The following TNFSF8 variants were observed in gnomAD, a reference collection of about 807,000 sequenced individuals.
TNFSF8 encodes TNF superfamily member 8, also known as tumor necrosis factor ligand superfamily member 8.
A neutral mutation model predicts 22.0 loss-of-function variants in TNFSF8; 4 were observed. The observed-to-expected ratio is 0.18, with a 90% CI of 0.09 to 0.42. The LOEUF is 0.42. Among genes scored for constraint, TNFSF8 ranks in the 10% least tolerant of loss-of-function variants. The probability of loss-of-function intolerance (pLI) is 1.00; values close to 1 mark genes in which losing one functional copy is unlikely to be tolerated. For missense variants in TNFSF8, 233 were observed against 281.8 expected, an observed-to-expected ratio of 0.83 and a Z score of 1.24; for synonymous variants, 106 against 112.5, an observed-to-expected ratio of 0.94 and a Z score of 0.37.
intron 1 of TNFSF8, among the ~76,000 whole-genome samples, chr9:114,922,728 G>T (rs1485398656): frequency 6.6e-6 from 1 of 152,136 alleles, no homozygotes; most frequent in African/African-American, 2.4e-5. Context: ...AATCCTCAGG[G>T]GAAGACTATT....
At chr9:114,918,917 C>T (rs1403281235) in intron 1 of TNFSF8, among the ~76,000 whole-genome samples, 1 of 152,200 alleles carries the variant, frequency 6.6e-6, no homozygotes, top group Admixed American at 6.5e-5. Context: ...GACTCAACTC[C>T]CAATCTGGTG....
chr9:114,914,328 CA>C (rs1303750744), intron 2 of TNFSF8, among the ~76,000 whole-genome samples: 1 of 152,238 alleles, frequency 6.6e-6, no homozygotes, highest in African/African-American at 2.4e-5. Context: ...AGCTTCTCTG[CA>C]TACCCCAAAT....
chr9:114,912,197 A>T (rs1425817093), intron 2 of TNFSF8, among the ~76,000 whole-genome samples: 1 of 152,128 alleles, frequency 6.6e-6, no homozygotes, highest in Non-Finnish European at 1.5e-5. Context: ...ACTGTCATGG[A>T]GAGTTGTAGA....
intron 2 of TNFSF8, among the ~76,000 whole-genome samples, chr9:114,908,516 A>G (rs906277779): frequency 7.9e-5 from 12 of 152,254 alleles, no homozygotes; most frequent in Middle Eastern, 3.4e-3. Context: ...CCCTTATGGC[A>G]GGTGAGCCTC....
intron 1 of TNFSF8, among the ~76,000 whole-genome samples, chr9:114,921,096 G>A (rs1410364310): frequency 6.6e-6 from 1 of 152,220 alleles, no homozygotes; most frequent in South Asian, 2.1e-4. Context: ...GTCAAGGAAA[G>A]CCTCTTTTCT....
chr9:114,896,515 A>G (rs1324795598), downstream of TNFSF8, among the ~76,000 whole-genome samples: 2 of 152,230 alleles, frequency 1.3e-5, no homozygotes, highest in Admixed American at 6.5e-5. Flanking sequence ...CTCACCTCAA[A>G]GAAATAACTG....
chr9:114,930,311 A>G lies in TNFSF8; in HGVS notation c.-8T>C. The G allele has an allele frequency of 1.3e-6, 2 of 1,530,726 alleles. No homozygotes were observed. The highest frequency in any genetic ancestry group is 5.0e-5 in the East Asian group (2 of 39,890). 94.8% of individuals were successfully genotyped at this position (1,530,726 alleles called of 1,614,324 possible). On this transcript the variant is annotated 5_prime_UTR_variant, in exon 1 of 4. Coordinates refer to ENST00000223795, the MANE Select transcript of TNFSF8 (RefSeq NM_001244.4). ...CTGCAGCCCTGGGTCCATTCTTTATATAGTCTTCCCCACATCACACCTTAT... is the reference window on the plus strand; with the variant it reads ...CTGCAGCCCTGGGTCCATTCTTTATGTAGTCTTCCCCACATCACACCTTAT...
At chr9:114,924,168 G>T (rs780979364) in intron 1 of TNFSF8, among the ~76,000 whole-genome samples, 6 of 152,322 alleles carry the variant, frequency 3.9e-5, no homozygotes, top group Non-Finnish European at 1.5e-5. Flanking sequence ...TGTGCATACA[G>T]ATCACCTGAG....
chr9:114,930,345 A>G lies in TNFSF8; in HGVS notation c.-42T>C. 7.2e-7 allele frequency: 1 copy of G among 1,395,542 alleles called. No homozygotes were observed. The highest frequency in any genetic ancestry group is 9.5e-7 in the Non-Finnish European group (1 of 1,055,214). 86.4% of individuals were successfully genotyped at this position (1,395,542 alleles called of 1,614,324 possible). A position where few individuals can be genotyped will look rare whatever the true frequency, so the allele number is the denominator to read the frequency against. ...CCCACATCACACCTTATCTCTCTTC[A>G]TCTGATTCAGTTCTGGGCCCATCTC... On this transcript the variant is annotated 5_prime_UTR_variant, in exon 1 of 4. It removes an upstream start codon present in the reference 5' UTR. Coordinates refer to ENST00000223795, the MANE Select transcript of TNFSF8 (RefSeq NM_001244.4).
intron 1 of TNFSF8, among the ~76,000 whole-genome samples, chr9:114,919,418 C>T (rs1395651238): frequency 1.3e-5 from 2 of 152,128 alleles, no homozygotes; most frequent in Non-Finnish European, 2.9e-5. Flanking sequence ...AGTTCAAGGA[C>T]TCTCAACAAG....
In TNFSF8 at chr9:114,923,522, C is replaced by CTTTCTTT. The variant is rs758823996; in HGVS notation, c.196-5385_196-5384insAAAGAAA. Among the ~76,000 whole-genome samples the CTTTCTTT allele has an allele frequency of 5.0e-3, 446 of 89,708 alleles. 7 individuals are homozygous for CTTTCTTT. The highest frequency in any genetic ancestry group is 5.7e-3 in the Middle Eastern group (1 of 174). The allele number at this position is 89,708 out of a possible 152,430, so 58.9% of individuals were successfully genotyped here. On this transcript the variant is annotated intron_variant, in intron 1 of 3. Transcript: ENST00000223795. ...TCTTTCTTTCTTTCTTTCTTTCTTT[C>CTTTCTTT]TTTTTTTTTTTTTGAGATGAAATCT...
intron 1 of TNFSF8, among the ~76,000 whole-genome samples, chr9:114,921,450 G>T (rs528734893): frequency 6.6e-6 from 1 of 152,322 alleles, no homozygotes; most frequent in African/African-American, 2.4e-5. Context: ...ACTGCCCTAG[G>T]AGAGATGCTG....
chr9:114,923,476 CTT>C (rs371425089), intron 1 of TNFSF8, among the ~76,000 whole-genome samples: 1 of 119,980 alleles, frequency 8.3e-6, no homozygotes, highest in African/African-American at 3.1e-5. Flanking sequence ...ACTTTTCTTT[CTT>C]TTTCTTTCTT....
intron 1 of TNFSF8, among the ~76,000 whole-genome samples, chr9:114,926,245 C>A (rs1267060493): frequency 2.0e-5 from 3 of 151,918 alleles, no homozygotes; most frequent in Non-Finnish European, 4.4e-5. Context: ...CTGGCTAACA[C>A]GGTGAAACCC....
intron 2 of TNFSF8, among the ~76,000 whole-genome samples, chr9:114,912,808 T>C (rs1226619507): frequency 1.3e-5 from 2 of 152,224 alleles, no homozygotes; most frequent in Admixed American, 6.5e-5. Flanking sequence ...ATTGTTTCTT[T>C]GGGGTGGGTT....
chr9:114,918,185 T>G, intron 1 of TNFSF8, 47 bp from the exon 2 acceptor site: 1 of 1,558,150 alleles, frequency 6.4e-7, no homozygotes, highest in East Asian at 2.3e-5. Context: ...GACATTCAGT[T>G]GAAACAACTT....
chr9:114,901,017 G>A, downstream of TNFSF8: 2 of 974,678 alleles, frequency 2.1e-6, no homozygotes, highest in Non-Finnish European at 2.4e-6. Flanking sequence ...TCCTCTACAA[G>A]TTCTGCAAGT....
At chr9:114,925,231 G>A (rs780446843) in intron 1 of TNFSF8, among the ~76,000 whole-genome samples, 43 of 152,126 alleles carry the variant, frequency 2.8e-4, no homozygotes, top group Non-Finnish European at 5.0e-4. Context: ...CTTATATACC[G>A]TCCAGTGGTG....
chr9:114,919,337 G>C (rs925819211), intron 1 of TNFSF8, among the ~76,000 whole-genome samples: 1 of 152,100 alleles, frequency 6.6e-6, no homozygotes, highest in African/African-American at 2.4e-5. Flanking sequence ...ATAAGAGGTT[G>C]ATAGAAACAG....
Sources: allele counts gnomAD v4.1 joint callset (sites outside exome capture counted in the v4.1 genomes callset), GRCh38; gene constraint gnomAD v4.1.1; transcripts MANE v1.5; gene names NCBI Gene and HGNC (gene_info 2026-07-23, HGNC 2026-07-21).